The following KDM2A variants were observed in gnomAD, a reference collection of about 807,000 sequenced individuals.
The protein encoded by KDM2A is lysine-specific demethylase 2A.
Under a neutral mutation model 137.3 loss-of-function variants are expected in KDM2A, and 3 were observed. The ratio of observed to expected loss-of-function variants is 0.02; its 90% confidence interval spans 0.01 to 0.06. KDM2A has a LOEUF of 0.06. Ranked by LOEUF, KDM2A falls within the 10% of genes least tolerant of loss-of-function variation. The probability of loss-of-function intolerance (pLI) is 1.00; values close to 1 mark genes in which losing one functional copy is unlikely to be tolerated. For synonymous variants in KDM2A, 512 were observed against 541.5 expected, an observed-to-expected ratio of 0.95 and a Z score of 0.76; for missense variants, 738 against 1,510.6, an observed-to-expected ratio of 0.49 and a Z score of 8.48.
At chr11:67,128,078 T>A (rs1446789448) in intron 2 of KDM2A, among the ~76,000 whole-genome samples, 1 of 139,128 alleles carries the variant, frequency 7.2e-6, no homozygotes, top group Non-Finnish European at 1.5e-5. Context: ...GCAATGGCAC[T>A]ACCACTGCAG....
At chr11:67,128,650 C>T (rs954198453) in intron 2 of KDM2A, among the ~76,000 whole-genome samples, 2 of 152,028 alleles carry the variant, frequency 1.3e-5, no homozygotes, top group Non-Finnish European at 2.9e-5. Context: ...ATATTTTGGG[C>T]CCCTAGAATG....
intron 6 of KDM2A, among the ~76,000 whole-genome samples, chr11:67,212,667 C>T (rs1243008359): frequency 6.6e-6 from 1 of 151,908 alleles, no homozygotes; most frequent in Non-Finnish European, 1.5e-5. Context: ...AACATGTTAC[C>T]ACAAATTCTC....
intron 3 of KDM2A, among the ~76,000 whole-genome samples, chr11:67,181,056 T>A (rs1392379985): frequency 1.3e-5 from 2 of 150,616 alleles, no homozygotes. Context: ...CCTATCCCCA[T>A]ATTATTTAAG....
chr11:67,253,677 T>C lies in KDM2A; in HGVS notation c.3091+66T>C, dbSNP rs1859510153. ...AGCTTTGTCTTCCAAACAGACCTCG[T>C]CTTCAGAAGCTAAGGTAGTCTCAGA... On this transcript the variant is annotated intron_variant, in intron 19 of 20. Transcript: ENST00000529006. 3 of 1,540,080 alleles carry C rather than the reference T, an allele frequency of 1.9e-6. No homozygotes were observed. The South Asian group carries it at 3.5e-5, about 18-fold the overall frequency.
At chr11:67,181,177 A>T (rs190410660) in intron 3 of KDM2A, 143 bp from the exon 4 acceptor site, 24 of 459,932 alleles carry the variant, frequency 5.2e-5, no homozygotes, top group Non-Finnish European at 8.4e-5. Context: ...CTTACTAAGC[A>T]TATATTTTAT....
chr11:67,249,955 G>T, intron 16 of KDM2A, 131 bp from the exon 17 acceptor site: 1 of 659,914 alleles, frequency 1.5e-6, no homozygotes, highest in Non-Finnish European at 2.3e-6. Flanking sequence ...CGACTCTGAG[G>T]GAATGACCCC....
chr11:67,193,780 G>T (rs1361488931), intron 5 of KDM2A, among the ~76,000 whole-genome samples: 1 of 152,214 alleles, frequency 6.6e-6, no homozygotes, highest in African/African-American at 2.4e-5. Flanking sequence ...AGAACTGCTT[G>T]AACCCAGGAG....
At chr11:67,249,952 G>A in intron 16 of KDM2A, 134 bp from the exon 17 acceptor site, 1 of 670,380 alleles carries the variant, frequency 1.5e-6, no homozygotes, top group Non-Finnish European at 2.3e-6. Context: ...GGCCGACTCT[G>A]AGGGAATGAC....
chr11:67,246,311 G>A (rs1031592165), intron 15 of KDM2A, among the ~76,000 whole-genome samples, 195 bp downstream of exon 15: 2 of 152,148 alleles, frequency 1.3e-5, no homozygotes, highest in African/African-American at 4.8e-5. Context: ...AGACCCTGAG[G>A]ATAGAACAGT....
chr11:67,220,795 C>T (rs1052384867), intron 10 of KDM2A, among the ~76,000 whole-genome samples: 2 of 151,912 alleles, frequency 1.3e-5, no homozygotes, highest in African/African-American at 4.8e-5. Context: ...ATGAGTGTGG[C>T]TCAAATAATA....
chr11:67,218,597 TTTTA>T (rs368358428), intron 9 of KDM2A, among the ~76,000 whole-genome samples: 12 of 151,934 alleles, frequency 7.9e-5, no homozygotes, highest in African/African-American at 2.4e-4. Context: ...GTATATTTTA[TTTTA>T]TTTATTTATT....
intron 6 of KDM2A, among the ~76,000 whole-genome samples, chr11:67,210,780 TC>T: frequency 6.6e-6 from 1 of 152,294 alleles, no homozygotes; most frequent in South Asian, 2.1e-4. Flanking sequence ...ATAGAAGACT[TC>T]ATGTGGAATA....
At chr11:67,198,225 A>G (rs1345607243) in intron 5 of KDM2A, among the ~76,000 whole-genome samples, 1 of 151,876 alleles carries the variant, frequency 6.6e-6, no homozygotes, top group Non-Finnish European at 1.5e-5. Flanking sequence ...AATGTTAGCT[A>G]TTACTTTGAC....
intron 2 of KDM2A, among the ~76,000 whole-genome samples, chr11:67,162,432 T>G (rs1490987326): frequency 6.6e-6 from 1 of 152,078 alleles, no homozygotes; most frequent in Non-Finnish European, 1.5e-5. Flanking sequence ...TGAGACAGAG[T>G]CTCGTTCTGT....
chr11:67,165,710 TAGG>T (rs1856725593), intron 2 of KDM2A, among the ~76,000 whole-genome samples: 1 of 152,112 alleles, frequency 6.6e-6, no homozygotes, highest in Non-Finnish European at 1.5e-5. Context: ...CTTAAAGACT[TAGG>T]AGAAACAGCA....
intron 12 of KDM2A, among the ~76,000 whole-genome samples, chr11:67,242,280 G>A (rs200150872): frequency 7.0e-4 from 2 of 2,854 alleles, no homozygotes; most frequent in African/African-American, 9.8e-4. Flanking sequence ...GTGTGTGTAT[G>A]TGTGTGTGTG....
Position 67,250,109 on chromosome 11 carries a change from C to T in KDM2A, c.2079C>T (p.Asp693=), listed in dbSNP as rs568537869. ...KAQKRKMEES[D]EEAVQAKVLR... ...AGAAGCGGAAAATGGAAGAGAGTGA[C>T]GAAGAAGCTGTGCAAGCCAAAGTCC... Residue 693 remains aspartate, a synonymous_variant, in exon 17 of 21, where the codon GAC becomes GAT. Coordinates refer to ENST00000529006, the MANE Select transcript of KDM2A (RefSeq NM_012308.3). This position sits in a 1 kb window ranked among gnomAD's most constrained non-coding sequence, Gnocchi z 7.1. 12 of 1,590,396 alleles carry T rather than the reference C, an allele frequency of 7.5e-6. No homozygotes were observed. Among genetic ancestry groups the T allele is most frequent in the Middle Eastern group, 1.7e-4 (1 of 5,928 alleles).
At position 67,255,817 on chromosome 11, in the gene KDM2A, A is replaced by G. The variant is rs1401685849; in HGVS notation, c.*762A>G. 1.4e-5 allele frequency: 4 copies of G among 279,108 alleles called. No individual in the cohort carries two copies. Among genetic ancestry groups the G allele is most frequent in the South Asian group, 5.9e-5 (2 of 34,158 alleles). The allele number at this position is 279,108 out of a possible 1,614,324, so 17.3% of individuals were successfully genotyped here. A position where few individuals can be genotyped will look rare whatever the true frequency, so the allele number is the denominator to read the frequency against. On this transcript the variant is annotated 3_prime_UTR_variant, in exon 21 of 21. Coordinates refer to ENST00000529006, the MANE Select transcript of KDM2A (RefSeq NM_012308.3). ...CCAGGGACACACCCATTTCGTTGCT[A>G]CCCAAGTGGATTCTGAGACAGGCAC...
intron 2 of KDM2A, among the ~76,000 whole-genome samples, chr11:67,157,763 A>C (rs1856551101): frequency 6.6e-6 from 1 of 151,826 alleles, no homozygotes; most frequent in African/African-American, 2.4e-5. Flanking sequence ...AAAAAAAAAA[A>C]ACTTGCATTA....
Sources: allele counts gnomAD v4.1 joint callset (sites outside exome capture counted in the v4.1 genomes callset), GRCh38; gene constraint gnomAD v4.1.1; non-coding constraint Gnocchi (gnomAD v3.1); transcripts MANE v1.5; gene names NCBI Gene and HGNC (gene_info 2026-07-23, HGNC 2026-07-21).